IKZF2: variants seen among roughly 807,000 people sequenced by gnomAD.
IKZF2 encodes zinc finger protein Helios.
IKZF2 carries 15 observed loss-of-function variants against 49.2 expected under a neutral mutation model. The observed-to-expected ratio is 0.30, with a 90% CI of 0.20 to 0.47. IKZF2 has a LOEUF of 0.47. Ranked by LOEUF, IKZF2 falls within the 20% of genes least tolerant of loss-of-function variation. IKZF2 has a pLI of 1.00. For synonymous variants in IKZF2, 227 were observed against 221.4 expected (o/e 1.03, Z -0.23); for missense variants, 567 against 664.6 (o/e 0.85, Z 1.61).
intron 4 of IKZF2, among the ~76,000 whole-genome samples, chr2:213,136,189 G>C (rs191759351): frequency 6.6e-6 from 1 of 151,172 alleles, no homozygotes. Context: ...GACCAACTTA[G>C]TGAAACCCTG....
Position 213,007,945 on chromosome 2 carries a change from G to A in IKZF2, c.996C>T (p.Ala332=), listed in dbSNP as rs765562773. The part of the protein sequence containing the change: ...NNAITYLGAE[A]LHPLMQHPPS... ...GCGGGTGCTGCATCAGAGGGTGAAG[G>A]GCCTCAGCTCCAAGGTAGGTGATTG... The change falls in exon 9 of 9, where the codon GCC becomes GCT. Residue 332 remains alanine (A), a synonymous_variant. Transcript: ENST00000434687. 4.3e-6 allele frequency: 7 copies of A among 1,613,422 alleles called. No homozygotes were observed. In the Admixed American group the frequency reaches 1.2e-4, roughly 27 times the overall value.
chr2:213,102,283 T>C (rs2125709269), intron 4 of IKZF2, among the ~76,000 whole-genome samples: 1 of 152,288 alleles, frequency 6.6e-6, no homozygotes, highest in South Asian at 2.1e-4. Flanking sequence ...TGTCAGGGTA[T>C]CTGTTTGCCC....
intron 4 of IKZF2, among the ~76,000 whole-genome samples, chr2:213,084,355 G>C (rs1403672887): frequency 2.0e-5 from 3 of 152,058 alleles, no homozygotes; most frequent in Non-Finnish European, 4.4e-5. Context: ...AACATATAGG[G>C]ATACTCAATA....
intron 4 of IKZF2, among the ~76,000 whole-genome samples, chr2:213,082,243 AT>A (rs937672270): frequency 7.9e-5 from 12 of 152,226 alleles, no homozygotes; most frequent in Non-Finnish European, 7.4e-5. Flanking sequence ...TAGAAAAACT[AT>A]TGTGCTAAGT....
At chr2:213,028,032 T>C (rs1301693691) in intron 6 of IKZF2, among the ~76,000 whole-genome samples, 1 of 152,176 alleles carries the variant, frequency 6.6e-6, no homozygotes, top group Non-Finnish European at 1.5e-5. Context: ...ATAATTACTA[T>C]AGTTGTCAAA....
intron 4 of IKZF2, among the ~76,000 whole-genome samples, chr2:213,142,940 T>C (rs1288877365): frequency 6.6e-6 from 1 of 151,952 alleles, no homozygotes; most frequent in African/African-American, 2.4e-5. Context: ...ATTCCTTACC[T>C]ATATCAAAAC....
chr2:213,085,293 C>CA (rs1342335618), intron 4 of IKZF2, among the ~76,000 whole-genome samples: 13 of 152,076 alleles, frequency 8.5e-5, no homozygotes, highest in Non-Finnish European at 4.4e-5. Context: ...TGTTTTTAAA[C>CA]AAAAAGCCTT....
chr2:213,110,869 C>T (rs969556189), intron 4 of IKZF2, among the ~76,000 whole-genome samples: 1 of 151,848 alleles, frequency 6.6e-6, no homozygotes, highest in Admixed American at 6.6e-5. Flanking sequence ...TTTTATATAC[C>T]TCCTATTTTG....
chr2:213,027,017 T>C (rs1031396610), intron 6 of IKZF2, among the ~76,000 whole-genome samples: 1 of 152,118 alleles, frequency 6.6e-6, no homozygotes, highest in Non-Finnish European at 1.5e-5. Flanking sequence ...ATGAAATACA[T>C]AGTCTCTTCC....
intron 4 of IKZF2, among the ~76,000 whole-genome samples, chr2:213,132,352 A>T (rs2060502558): frequency 6.6e-6 from 1 of 151,994 alleles, no homozygotes; most frequent in Non-Finnish European, 1.5e-5. Flanking sequence ...GGAATTAGGG[A>T]TCGACTGTCC....
At chr2:213,033,543 C>T (rs1698698513) in intron 6 of IKZF2, among the ~76,000 whole-genome samples, 1 of 152,154 alleles carries the variant, frequency 6.6e-6, no homozygotes, top group Non-Finnish European at 1.5e-5. Context: ...TATTAACAGC[C>T]ATGAAAACAA....
intron 7 of IKZF2, among the ~76,000 whole-genome samples, chr2:213,016,569 C>T (rs1419405264): frequency 6.6e-6 from 1 of 152,104 alleles, no homozygotes; most frequent in Non-Finnish European, 1.5e-5. Context: ...AACAAATTCT[C>T]TAGATATCTC....
At chr2:213,030,465 T>A (rs1361482091) in intron 6 of IKZF2, among the ~76,000 whole-genome samples, 1 of 152,158 alleles carries the variant, frequency 6.6e-6, no homozygotes, top group Admixed American at 6.5e-5. Flanking sequence ...AAAATAACTT[T>A]TATCTCTCTA....
chr2:213,147,500 G>C lies in IKZF2; in HGVS notation c.139+208C>G. 4.6e-6 allele frequency: 3 copies of C among 647,726 alleles called. No individual in the cohort carries two copies. The South Asian group carries it at 5.3e-5, about 11-fold the overall frequency. The allele number at this position is 647,726 out of a possible 1,614,324, so 40.1% of individuals were successfully genotyped here. A position where few individuals can be genotyped will look rare whatever the true frequency, so the allele number is the denominator to read the frequency against. On this transcript the variant is annotated intron_variant, in intron 4 of 8. Coordinates refer to ENST00000434687, the MANE Select transcript of IKZF2 (RefSeq NM_001387220.1). ...TACAGGTAAGCACCAGCTCCCAAATGCCACCTTGGGATAGTTCAGACTAGT... is the reference window on the plus strand; with the variant it reads ...TACAGGTAAGCACCAGCTCCCAAATCCCACCTTGGGATAGTTCAGACTAGT...
intron 6 of IKZF2, among the ~76,000 whole-genome samples, chr2:213,025,709 A>G (rs556370194): frequency 3.2e-4 from 48 of 151,988 alleles, no homozygotes; most frequent in Non-Finnish European, 3.5e-4. Flanking sequence ...ACCAAATCAA[A>G]CATTCAAGAT....
chr2:213,050,840 A>T (rs1390392629), intron 5 of IKZF2, among the ~76,000 whole-genome samples: 1 of 152,112 alleles, frequency 6.6e-6, no homozygotes, highest in African/African-American at 2.4e-5. Flanking sequence ...CATAAAGAAA[A>T]TGCTATTATT....
intron 4 of IKZF2, among the ~76,000 whole-genome samples, chr2:213,129,313 G>C (rs1360673488): frequency 6.8e-6 from 1 of 147,432 alleles, no homozygotes; most frequent in African/African-American, 2.5e-5. Context: ...CTGGAGAGGG[G>C]CTTATTTATC....
chr2:213,041,750 C>T lies in IKZF2; in HGVS notation c.574+7963G>A, dbSNP rs192572397. Among the ~76,000 whole-genome samples, 748 of 152,212 alleles carry T rather than the reference C, an allele frequency of 4.9e-3. 3 individuals are homozygous for T. The highest frequency in any genetic ancestry group is 0.013 in the Admixed American group (196 of 15,294). On this transcript the variant is annotated intron_variant, in intron 6 of 8. Coordinates refer to ENST00000434687, the MANE Select transcript of IKZF2 (RefSeq NM_001387220.1). ...TTATTATTTTTTTCTTTCTTAGACA[C>T]TTCAAGGCTATCAGATGTAGGATAT...
intron 4 of IKZF2, among the ~76,000 whole-genome samples, chr2:213,073,218 A>G (rs1702897163): frequency 6.6e-6 from 1 of 152,188 alleles, no homozygotes; most frequent in Admixed American, 6.5e-5. Context: ...CGAGGAGCTA[A>G]TATAGTTAAT....
Sources: gnomAD v4.1 joint callset for allele counts (sites outside exome capture counted in the v4.1 genomes callset) on GRCh38, gnomAD v4.1.1 for gene constraint, MANE v1.5 for transcripts, NCBI Gene and HGNC (gene_info 2026-07-23, HGNC 2026-07-21) for gene names.